Variants in DLG2 observed in about 807,000 individuals in gnomAD.
The protein encoded by DLG2 is discs large MAGUK scaffold protein 2.
DLG2 carries 45 observed loss-of-function variants against 132.5 expected under a neutral mutation model. The ratio of observed to expected loss-of-function variants is 0.34; its 90% CI spans 0.27 to 0.44. The LOEUF is 0.44. DLG2 is among the 20% of genes least tolerant of loss of function. DLG2 has a pLI of 1.00. For synonymous variants in DLG2, 424 were observed against 419.6 expected (o/e 1.01, Z -0.13); for missense variants, 1,045 against 1,196.9 (o/e 0.87, Z 1.87).
chr11:83,883,596 C>T (rs2066914458), intron 15 of DLG2, among the ~76,000 whole-genome samples: 1 of 152,092 alleles, frequency 6.6e-6, no homozygotes, highest in South Asian at 2.1e-4. Context: ...AGCATTTTGC[C>T]CAGTGGACTG....
At chr11:85,168,729 G>A (rs187150241) in intron 4 of DLG2, among the ~76,000 whole-genome samples, 140 of 152,008 alleles carry the variant, frequency 9.2e-4, no homozygotes, top group African/African-American at 3.2e-3. Flanking sequence ...TGCAGAAATA[G>A]GACAAAAAAT....
chr11:85,598,757 T>A lies in DLG2; in HGVS notation c.-61A>T. 1 of 1,403,480 alleles carries A rather than the reference T, an allele frequency of 7.1e-7. No individual in the cohort carries two copies. The highest frequency in any genetic ancestry group is 9.7e-7 in the Non-Finnish European group (1 of 1,025,804). The allele number at this position is 1,403,480 out of a possible 1,614,324, so 86.9% of individuals were successfully genotyped here. ...CTGGTTTCCTTAATTTTTTGCAGTA[T>A]TCTTCCAGTAATGATAAAGCTCGGT... On this transcript the variant is annotated 5_prime_UTR_variant, in exon 3 of 28. Transcript: ENST00000376104.
At chr11:85,524,411 TAAA>T (rs1236777937) in intron 3 of DLG2, among the ~76,000 whole-genome samples, 1 of 151,960 alleles carries the variant, frequency 6.6e-6, no homozygotes, top group Non-Finnish European at 1.5e-5. Flanking sequence ...TAAAAATAAA[TAAA>T]AATGAAAATT....
chr11:85,011,987 C>T (rs2059179582), intron 6 of DLG2, among the ~76,000 whole-genome samples: 1 of 152,012 alleles, frequency 6.6e-6, no homozygotes, highest in Admixed American at 6.6e-5. Context: ...TCAAGGAAAC[C>T]ATAGACTGGT....
chr11:84,537,646 T>A (rs2099358766), intron 6 of DLG2, among the ~76,000 whole-genome samples: 1 of 152,196 alleles, frequency 6.6e-6, no homozygotes, highest in Non-Finnish European at 1.5e-5. Flanking sequence ...GAGTCTCCAA[T>A]TACAACTCTT....
At chr11:85,181,896 T>TAG (rs1004712746) in intron 4 of DLG2, among the ~76,000 whole-genome samples, 1 of 151,766 alleles carries the variant, frequency 6.6e-6, no homozygotes, top group Admixed American at 6.6e-5. Flanking sequence ...AATGCTCTCT[T>TAG]CACTGTCAAT....
In DLG2 at chr11:84,143,912, A is replaced by G. The variant is rs2094960640; in HGVS notation, c.624+19549T>C. Among the ~76,000 whole-genome samples the G allele has an allele frequency of 2.0e-5, 3 of 152,268 alleles. No individual in the cohort carries two copies. In the South Asian group the frequency reaches 6.2e-4, roughly 32 times the overall value. ...ATTAAAGGGTTTGGGGATAAGGTAC[A>G]ATGGAGAACAGGAATTCTCTACAAA... On this transcript the variant is annotated intron_variant, in intron 9 of 27. Coordinates refer to ENST00000376104, the MANE Select transcript of DLG2 (RefSeq NM_001142699.3).
intron 7 of DLG2, among the ~76,000 whole-genome samples, chr11:84,360,786 A>G (rs2098645395): frequency 6.6e-6 from 1 of 151,996 alleles, no homozygotes. Flanking sequence ...TAATTAGGAA[A>G]AAAATGAATT....
chr11:84,046,408 A>C (rs1373686467), intron 11 of DLG2, among the ~76,000 whole-genome samples: 1 of 151,602 alleles, frequency 6.6e-6, no homozygotes, highest in East Asian at 1.9e-4. Context: ...TGATTCAAAT[A>C]AATGGAACTA....
chr11:84,933,935 G>T (rs567425575), intron 6 of DLG2, among the ~76,000 whole-genome samples: 50 of 152,256 alleles, frequency 3.3e-4, no homozygotes, highest in African/African-American at 1.2e-3. Flanking sequence ...TCCTTTTATT[G>T]TGCCAGTTTT....
intron 6 of DLG2, among the ~76,000 whole-genome samples, chr11:84,822,431 G>A (rs982176573): frequency 2.0e-5 from 3 of 151,744 alleles, no homozygotes; most frequent in Admixed American, 6.6e-5. Flanking sequence ...TTGTGAAAGT[G>A]GTTTAAATGT....
intron 11 of DLG2, 146 bp downstream of exon 11, chr11:84,059,169 C>A (rs2096551886): frequency 4.4e-6 from 3 of 675,452 alleles, no homozygotes; most frequent in Non-Finnish European, 7.1e-6. Flanking sequence ...TTCCTTTACC[C>A]TTTGTAACCA....
intron 6 of DLG2, among the ~76,000 whole-genome samples, chr11:84,568,375 G>T (rs117863633): frequency 1.7e-3 from 255 of 152,230 alleles, no homozygotes; most frequent in Non-Finnish European, 3.0e-3. Flanking sequence ...CAGACATAGA[G>T]GCGTGCCTGT....
At chr11:84,700,129 C>T (rs1019065652) in intron 6 of DLG2, among the ~76,000 whole-genome samples, 1 of 151,434 alleles carries the variant, frequency 6.6e-6, no homozygotes, top group East Asian at 1.9e-4. Flanking sequence ...CTATTAATTC[C>T]TAACCCAGCA....
intron 3 of DLG2, among the ~76,000 whole-genome samples, chr11:85,380,521 G>A (rs1452251563): frequency 2.0e-5 from 3 of 152,084 alleles, no homozygotes; most frequent in East Asian, 1.9e-4. Context: ...TTTACTGGGC[G>A]TGGTGGCACA....
chr11:83,661,063 G>A (rs2074134252), intron 18 of DLG2, among the ~76,000 whole-genome samples: 1 of 152,086 alleles, frequency 6.6e-6, no homozygotes, highest in Non-Finnish European at 1.5e-5. Context: ...CCCTTTGCTT[G>A]CTCTGCTTGT....
intron 3 of DLG2, among the ~76,000 whole-genome samples, chr11:85,384,894 A>G (rs754294300): frequency 3.9e-5 from 6 of 152,144 alleles, no homozygotes; most frequent in African/African-American, 1.4e-4. Flanking sequence ...CTTAGTCTCA[A>G]TTTCCTCGTT....
intron 7 of DLG2, among the ~76,000 whole-genome samples, chr11:84,490,807 C>T (rs561373522): frequency 4.6e-5 from 7 of 152,096 alleles, no homozygotes; most frequent in East Asian, 3.9e-4. Flanking sequence ...CTTGTTTTGA[C>T]ATCCTCTATT....
intron 19 of DLG2, among the ~76,000 whole-genome samples, chr11:83,629,237 G>A (rs2063152950): frequency 6.6e-6 from 1 of 152,116 alleles, no homozygotes; most frequent in Non-Finnish European, 1.5e-5. Flanking sequence ...TGTTACTGCT[G>A]CGTCCTCAGT....
Sources: allele counts gnomAD v4.1 joint callset (sites outside exome capture counted in the v4.1 genomes callset), GRCh38; gene constraint gnomAD v4.1.1; transcripts MANE v1.5; gene names NCBI Gene and HGNC (gene_info 2026-07-23, HGNC 2026-07-21).